WDFY2: variants seen among roughly 807,000 people sequenced by gnomAD.
WDFY2 encodes WD repeat and FYVE domain-containing protein 2.
A neutral mutation model predicts 56.4 loss-of-function variants in WDFY2; 36 were observed. The observed-to-expected ratio is 0.64, with a 90% confidence interval of 0.49 to 0.84. The LOEUF (loss-of-function observed/expected upper bound fraction) is 0.84, where lower values mean the gene tolerates loss of function less well. Among genes scored for constraint, WDFY2 ranks in the 40% least tolerant of loss-of-function variants. WDFY2 has a pLI of 0.00. For synonymous variants in WDFY2, 176 were observed against 183.7 expected (o/e 0.96, Z 0.34); for missense variants, 444 against 512.2 (o/e 0.87, Z 1.29).
At chr13:51,612,812 C>G (rs1405291599) in intron 1 of WDFY2, among the ~76,000 whole-genome samples, 1 of 152,148 alleles carries the variant, frequency 6.6e-6, no homozygotes, top group African/African-American at 2.4e-5. Context: ...ACCTTCCTCC[C>G]CCTTACAGGT....
intron 2 of WDFY2, among the ~76,000 whole-genome samples, chr13:51,664,578 C>G (rs183923318): frequency 4.7e-4 from 72 of 152,334 alleles, no homozygotes; most frequent in Admixed American, 3.0e-3. Flanking sequence ...CCCTGAGAAT[C>G]CTGGCTGTGT....
chr13:51,683,640 G>A (rs1489909385), intron 3 of WDFY2, among the ~76,000 whole-genome samples: 1 of 152,172 alleles, frequency 6.6e-6, no homozygotes, highest in African/African-American at 2.4e-5. Context: ...GAACTCACAA[G>A]AGCCAAAATG....
intron 1 of WDFY2, among the ~76,000 whole-genome samples, chr13:51,637,720 C>T (rs1955079270): frequency 6.6e-6 from 1 of 152,096 alleles, no homozygotes; most frequent in African/African-American, 2.4e-5. Flanking sequence ...GGAATGCGTC[C>T]ACCCTAGGTA....
intron 8 of WDFY2, among the ~76,000 whole-genome samples, chr13:51,752,591 G>A (rs904536217): frequency 1.3e-5 from 2 of 152,176 alleles, no homozygotes; most frequent in African/African-American, 2.4e-5. Flanking sequence ...TTTGGTGCAC[G>A]TAGCCTGGAC....
chr13:51,652,594 G>A (rs1277678298), intron 1 of WDFY2, among the ~76,000 whole-genome samples: 2 of 152,152 alleles, frequency 1.3e-5, no homozygotes, highest in Admixed American at 1.3e-4. Context: ...TTTTAGGGCA[G>A]GCCTGGTGGT....
intron 1 of WDFY2, among the ~76,000 whole-genome samples, chr13:51,635,105 A>AT (rs543044734): frequency 0.025 from 3,685 of 148,196 alleles, 80 homozygotes; most frequent in South Asian, 0.08. Flanking sequence ...CGCCTGGCTA[A>AT]TTTTTTTTTT....
chr13:51,646,796 T>C (rs1955270871), intron 1 of WDFY2, among the ~76,000 whole-genome samples: 1 of 152,196 alleles, frequency 6.6e-6, no homozygotes, highest in Non-Finnish European at 1.5e-5. Flanking sequence ...TGCTAGAATA[T>C]AGCACAAAGG....
At chr13:51,755,978 A>G (rs1953367763) in intron 9 of WDFY2, among the ~76,000 whole-genome samples, 1 of 151,988 alleles carries the variant, frequency 6.6e-6, no homozygotes, top group African/African-American at 2.4e-5. Flanking sequence ...TCCTTCATCC[A>G]GCAGCATAAT....
At chr13:51,620,571 C>T (rs564296657) in intron 1 of WDFY2, among the ~76,000 whole-genome samples, 1 of 152,222 alleles carries the variant, frequency 6.6e-6, no homozygotes, top group African/African-American at 2.4e-5. Context: ...GCTCTCAACC[C>T]ATCCCAGCCC....
intron 3 of WDFY2, among the ~76,000 whole-genome samples, chr13:51,677,460 C>T (rs1395159067): frequency 6.6e-6 from 1 of 152,190 alleles, no homozygotes; most frequent in South Asian, 2.1e-4. Context: ...TACTTAGTCT[C>T]AGCTGTTTTA....
chr13:51,710,777 C>G (rs934354271), intron 4 of WDFY2, among the ~76,000 whole-genome samples: 5 of 151,656 alleles, frequency 3.3e-5, no homozygotes, highest in Non-Finnish European at 7.4e-5. Flanking sequence ...CACTGCTCAA[C>G]GAAATAAAAG....
At chr13:51,660,963 A>G (rs1436024039) in intron 2 of WDFY2, among the ~76,000 whole-genome samples, 1 of 152,188 alleles carries the variant, frequency 6.6e-6, no homozygotes, top group Admixed American at 6.5e-5. Flanking sequence ...GCTATTTTGT[A>G]AAGTATGTCC....
In WDFY2 at chr13:51,764,598, A is replaced by G. The variant is rs2138824471; in HGVS notation, c.*4829A>G. 1 of 152,444 alleles carries G rather than the reference A, an allele frequency of 6.6e-6. No homozygotes were observed. Among genetic ancestry groups the G allele is most frequent in the Middle Eastern group, 3.4e-3 (1 of 294 alleles). 9.4% of individuals were successfully genotyped at this position (152,444 alleles called of 1,614,324 possible). A position where few individuals can be genotyped will look rare whatever the true frequency, so the allele number is the denominator to read the frequency against. The stretch of plus-strand genomic sequence containing the variant: ...AGATGCTGCTGCTCCCTGGCCTCAG[A>G]GGAAAGCAGCACACAGCTCACCACG... On this transcript the variant is annotated 3_prime_UTR_variant, in exon 12 of 12. Transcript: ENST00000298125.
intron 1 of WDFY2, among the ~76,000 whole-genome samples, chr13:51,605,301 A>G (rs1472196931): frequency 1.3e-5 from 2 of 152,232 alleles, no homozygotes; most frequent in African/African-American, 2.4e-5. Flanking sequence ...GTAACTAGAT[A>G]TGCAGCAGTT....
Position 51,616,488 on chromosome 13 carries a change from T to G in WDFY2, c.137+31664T>G, listed in dbSNP as rs538486582. ...TTAAATTGCAATAACAGGTAACTCT[T>G]AAATCTCAGAGGCTTTTAACCCAAA... On this transcript the variant is annotated intron_variant, in intron 1 of 11. Transcript: ENST00000298125. Among the ~76,000 whole-genome samples, 4 of 152,346 alleles carry G rather than the reference T, an allele frequency of 2.6e-5. No homozygotes were observed. The South Asian group carries it at 8.3e-4, about 32-fold the overall frequency.
chr13:51,585,922 C>A, intron 1 of WDFY2: 2 of 397,828 alleles, frequency 5.0e-6, no homozygotes, highest in South Asian at 2.6e-4. Context: ...TAGGTTTGTT[C>A]ATGTCTTAGG....
chr13:51,638,935 A>G (rs1955103864), intron 1 of WDFY2, among the ~76,000 whole-genome samples: 1 of 152,222 alleles, frequency 6.6e-6, no homozygotes, highest in South Asian at 2.1e-4. Flanking sequence ...AAAATTTTAG[A>G]AAATAATTTA....
At position 51,767,550 on chromosome 13, in the gene WDFY2, G is replaced by C. The variant is rs1398816121; in HGVS notation, c.*7781G>C. 6.5e-6 allele frequency: 1 copy of C among 152,686 alleles called. No homozygotes were observed. The highest frequency in any genetic ancestry group is 6.5e-5 in the Admixed American group (1 of 15,360). The allele number at this position is 152,686 out of a possible 1,614,324, so 9.5% of individuals were successfully genotyped here. A position where few individuals can be genotyped will look rare whatever the true frequency, so the allele number is the denominator to read the frequency against. ...TAGATGTATTCTAAATCTGCTCATT[G>C]GTTTTATTACAACTTTTCCTGGAGT... On this transcript the variant is annotated 3_prime_UTR_variant, in exon 12 of 12. Transcript: ENST00000298125.
chr13:51,644,249 A>T (rs940946945), intron 1 of WDFY2, among the ~76,000 whole-genome samples: 1 of 152,206 alleles, frequency 6.6e-6, no homozygotes, highest in Non-Finnish European at 1.5e-5. Flanking sequence ...GCAGACACAA[A>T]ATAGTGCTAT....
Sources: allele counts gnomAD v4.1 joint callset (sites outside exome capture counted in the v4.1 genomes callset), GRCh38; gene constraint gnomAD v4.1.1; transcripts MANE v1.5; gene names NCBI Gene and HGNC (gene_info 2026-07-23, HGNC 2026-07-21).